The following ECH1 variants were observed in gnomAD, a reference collection of about 807,000 sequenced individuals.
The protein encoded by ECH1 is delta(3,5)-Delta(2,4)-dienoyl-CoA isomerase, mitochondrial.
In ECH1, 30 loss-of-function variants were observed where a neutral mutation model predicts 37.0. The observed-to-expected ratio is 0.81, with a 90% CI of 0.61 to 1.10. The LOEUF (loss-of-function observed/expected upper bound fraction) is 1.10, where lower values mean the gene tolerates loss of function less well. Ranked by LOEUF, ECH1 falls within the 50% of genes least tolerant of loss-of-function variation. The pLI is 0.00. For synonymous variants in ECH1, 178 were observed against 176.0 expected (o/e 1.01, Z -0.09); for missense variants, 456 against 441.6 (o/e 1.03, Z -0.29).
intron 3 of ECH1, chr19:38,819,342 C>T (rs574567916): frequency 4.0e-4 from 236 of 588,546 alleles, no homozygotes; most frequent in Non-Finnish European, 4.9e-4. Context: ...TCAGCTATAG[C>T]TCAAAGGTCA....
rs867145902 is a variant in ECH1 at position 38,831,793 on chromosome 19, G to C, written c.-21C>G. On this transcript the variant is annotated 5_prime_UTR_variant, in exon 1 of 10. Transcript: ENST00000221418. ...GCCATCGCCGCCGCCTTCGTCTACT[G>C]CGTTCGGACGGAGTAACGTGCCCGT... 6.2e-7 allele frequency: 1 copy of C among 1,611,808 alleles called. No individual in the cohort carries two copies. Among genetic ancestry groups the C allele is most frequent in the Non-Finnish European group, 8.5e-7 (1 of 1,179,282 alleles).
At position 38,816,037 on chromosome 19, in the gene ECH1, G is replaced by T. The variant is rs764996966; in HGVS notation, c.732-30C>A. 1.4e-5 allele frequency: 23 copies of T among 1,610,046 alleles called. No homozygotes were observed. In the Admixed American group the frequency reaches 3.8e-4, roughly 27 times the overall value. On this transcript the variant is annotated intron_variant, in intron 8 of 9. Coordinates refer to ENST00000221418, the MANE Select transcript of ECH1 (RefSeq NM_001398.3). Reference sequence around the variant, plus strand: ...AGTGAAAGAGATCAGGGACCGGGTGGGCTGGGAAGGGCTCTCTCCTCCAGC... The same window carrying T: ...AGTGAAAGAGATCAGGGACCGGGTGTGCTGGGAAGGGCTCTCTCCTCCAGC...
chr19:38,816,243 T>C (rs1416837510), intron 8 of ECH1, 41 bp downstream of exon 8: 1 of 1,608,332 alleles, frequency 6.2e-7, no homozygotes, highest in Non-Finnish European at 8.5e-7. Context: ...CCTCCAGGCC[T>C]GGCTGCCCCC....
chr19:38,818,143 C>A, intron 3 of ECH1: 1 of 853,014 alleles, frequency 1.2e-6, no homozygotes. Context: ...CACGTGTGAG[C>A]CACCATGCCG....
chr19:38,824,798 C>T (rs1485307556), intron 3 of ECH1, among the ~76,000 whole-genome samples: 3 of 152,174 alleles, frequency 2.0e-5, no homozygotes, highest in Non-Finnish European at 2.9e-5. Flanking sequence ...AGCTCCCATT[C>T]CTATTAATGA....
rs552130567 is a variant in ECH1, at chr19:38,815,845, C to G, written c.882+12G>C. 4 of 1,614,122 alleles carry G rather than the reference C, an allele frequency of 2.5e-6. No individual in the cohort carries two copies. The South Asian group carries it at 3.3e-5, about 13-fold the overall frequency. On this transcript the variant is annotated intron_variant, in intron 9 of 9. Transcript: ENST00000221418. ...AGAGGAGGGCTGTGATTGGTCGGAG[C>G]GTGCACCTTACCACGTAGTTGAGGC...
At chr19:38,830,773 G>A (rs763366494) in intron 3 of ECH1, 99 of 353,764 alleles carry the variant, frequency 2.8e-4, no homozygotes, top group Non-Finnish European at 4.7e-4. Flanking sequence ...AGGAGATGGA[G>A]ACCATCCTGG....
chr19:38,825,700 T>A (rs559098401), intron 3 of ECH1, among the ~76,000 whole-genome samples: 3 of 152,304 alleles, frequency 2.0e-5, no homozygotes, highest in African/African-American at 7.2e-5. Flanking sequence ...GGACAGATAG[T>A]AGAGGCCAAT....
At position 38,823,715 on chromosome 19, in the gene ECH1, G is replaced by A. The variant is rs144318460; in HGVS notation, c.350-6140C>T. Among the ~76,000 whole-genome samples, 271 of 152,304 alleles carry A rather than the reference G, an allele frequency of 1.8e-3. 2 individuals are homozygous for A. The highest frequency in any genetic ancestry group is 4.6e-3 in the East Asian group (24 of 5,182). On this transcript the variant is annotated intron_variant, in intron 3 of 9. Transcript: ENST00000221418. ...GTTCGTTGACCCTGCAGCCATGAGC[G>A]GAACACTCAAAGGCATGTCGCCCAA...
At chr19:38,828,124 C>A (rs1432884124) in intron 3 of ECH1, among the ~76,000 whole-genome samples, 1 of 152,224 alleles carries the variant, frequency 6.6e-6, no homozygotes, top group Non-Finnish European at 1.5e-5. Flanking sequence ...ACTCAACACT[C>A]TTTGGAACTA....
chr19:38,827,629 C>CA (rs1007822407), intron 3 of ECH1, among the ~76,000 whole-genome samples: 8 of 152,154 alleles, frequency 5.3e-5, no homozygotes, highest in African/African-American at 1.9e-4. Context: ...TTCTGTGTAT[C>CA]AACTCTGCCC....
chr19:38,818,908 T>TGTGTGC (rs1837415873), intron 3 of ECH1, among the ~76,000 whole-genome samples: 1 of 129,534 alleles, frequency 7.7e-6, no homozygotes, highest in South Asian at 3.0e-4. Context: ...ACTCTGTGTG[T>TGTGTGC]GTGTGTGTGT....
intron 7 of ECH1, 46 bp downstream of exon 7, chr19:38,816,407 A>G: frequency 6.2e-7 from 1 of 1,613,790 alleles, no homozygotes; most frequent in South Asian, 1.1e-5. Context: ...GGGCTGGGAG[A>G]TGCTCTGGGG....
chr19:38,821,330 G>A (rs1033381180), intron 3 of ECH1, among the ~76,000 whole-genome samples: 1 of 152,102 alleles, frequency 6.6e-6, no homozygotes, highest in African/African-American at 2.4e-5. Context: ...AAGAGAGAGA[G>A]AAGGAAGTGA....
Position 38,831,248 on chromosome 19 carries a change from C to T in ECH1, c.260+61G>A, listed in dbSNP as rs371084694. ...CCATCTTCCCACAACGTTCCACTTT[C>T]ACCCAGTCCCGCAGCCCCGCCTCCC... is the stretch of plus-strand genomic sequence containing the variant. On this transcript the variant is annotated intron_variant, in intron 2 of 9. Transcript: ENST00000221418. 1.1e-4 allele frequency: 179 copies of T among 1,609,378 alleles called. No homozygotes were observed. The East Asian group carries it at 1.7e-3, about 15-fold the overall frequency.
rs1412623990 is a variant in ECH1, at chr19:38,825,654, T to C, written c.349+5424A>G. 3.9e-5 allele frequency among the ~76,000 whole-genome samples: 6 copies of C among 152,204 alleles called. No homozygotes were observed. The South Asian group carries it at 1.2e-3, about 32-fold the overall frequency. ...TGGAGAAAGGCCGCAGCCTTAGTTA[T>C]GGCCCTCAGACTAACAAACCTTAGT... On this transcript the variant is annotated intron_variant, in intron 3 of 9. Transcript: ENST00000221418.
rs775483003 is a variant in ECH1, at chr19:38,831,751, A to T, written c.22T>A (p.Ser8Thr). The T allele has an allele frequency of 1.2e-6, 2 of 1,613,284 alleles. No homozygotes were observed. The highest frequency in any genetic ancestry group is 1.1e-5 in the South Asian group (1 of 90,982). The part of the protein sequence containing the change: MAAGIVA[S>T]RRLRDLLTRR... ...GTCAGTAGGTCGCGGAGTCTGCGAG[A>T]AGCCACTATCCCCGCCGCCATCGCC... Residue 8 changes from serine to threonine, a missense_variant, in exon 1 of 10, where the codon TCT becomes ACT. By Grantham distance (58) the Ser-to-Thr change is moderately conservative (BLOSUM62 1). Transcript: ENST00000221418.
Position 38,816,223 on chromosome 19 carries a change from G to A in ECH1, c.731+61C>T, listed in dbSNP as rs1971573054. The A allele has an allele frequency of 1.9e-6, 3 of 1,591,602 alleles. No homozygotes were observed. The African/African-American group carries it at 4.0e-5, about 21-fold the overall frequency. On this transcript the variant is annotated intron_variant, in intron 8 of 9. Transcript: ENST00000221418. The stretch of plus-strand genomic sequence containing the variant: ...GCGAGGAGACAAGGGGACCCGGAGA[G>A]GCCTCCAACCCTCCAGGCCTGGCTG...
chr19:38,816,185 T>A, intron 8 of ECH1, 99 bp downstream of exon 8: 1 of 1,512,624 alleles, frequency 6.6e-7, no homozygotes, highest in Non-Finnish European at 8.9e-7. Context: ...AGGATGCCAC[T>A]AGGAATTCTA....
Sources: gnomAD v4.1 joint callset for allele counts (sites outside exome capture counted in the v4.1 genomes callset) on GRCh38, gnomAD v4.1.1 for gene constraint, MANE v1.5 for transcripts, NCBI Gene and HGNC (gene_info 2026-07-23, HGNC 2026-07-21) for gene names.